LEF1: variants seen among roughly 807,000 people sequenced by gnomAD.
LEF1 encodes lymphoid enhancer binding factor 1.
In LEF1, 14 loss-of-function variants were observed where a neutral mutation model predicts 51.2. The observed-to-expected ratio is 0.27, with a 90% CI of 0.18 to 0.43. LEF1 has a LOEUF of 0.43. Among genes scored for constraint, LEF1 ranks in the 20% least tolerant of loss-of-function variants. LEF1 has a pLI of 1.00. For missense variants in LEF1, 386 were observed against 512.0 expected (o/e 0.75, Z 2.37); for synonymous variants, 185 against 183.2 (o/e 1.01, Z -0.08).
chr4:108,111,507 T>C (rs893423121), intron 3 of LEF1, among the ~76,000 whole-genome samples: 9 of 152,212 alleles, frequency 5.9e-5, no homozygotes, highest in Admixed American at 6.5e-5. Flanking sequence ...TCTTTATCTT[T>C]TGTAGCCACC....
At chr4:108,083,148 C>A in intron 5 of LEF1, 1 of 566,488 alleles carries the variant, frequency 1.8e-6, no homozygotes, top group Admixed American at 3.1e-5. Context: ...TCATTTTCTA[C>A]CCATATTAGC....
chr4:108,105,625 GT>G (rs1741114769), intron 3 of LEF1, among the ~76,000 whole-genome samples: 1 of 152,136 alleles, frequency 6.6e-6, no homozygotes, highest in South Asian at 2.1e-4. Flanking sequence ...TTTTAATAAT[GT>G]TTCAAATCAT....
chr4:108,126,869 ATGTGTG>A (rs34301406), intron 3 of LEF1, among the ~76,000 whole-genome samples: 4 of 146,522 alleles, frequency 2.7e-5, no homozygotes, highest in East Asian at 4.0e-4. Flanking sequence ...ATTTACTGAT[ATGTGTG>A]TGTGTGTGTG....
At chr4:108,133,242 C>T (rs1743022128) in intron 3 of LEF1, among the ~76,000 whole-genome samples, 1 of 152,092 alleles carries the variant, frequency 6.6e-6, no homozygotes, top group Non-Finnish European at 1.5e-5. Context: ...CAACAAGTTC[C>T]CAGGTGATGC....
intron 3 of LEF1, among the ~76,000 whole-genome samples, chr4:108,156,060 A>C (rs532244179): frequency 1.4e-4 from 21 of 152,366 alleles, no homozygotes; most frequent in African/African-American, 4.1e-4. Context: ...AATGAATTGA[A>C]AAGCATTAAC....
chr4:108,144,773 C>A (rs1381229644), intron 3 of LEF1, among the ~76,000 whole-genome samples: 2 of 143,970 alleles, frequency 1.4e-5, no homozygotes, highest in African/African-American at 2.6e-5. Flanking sequence ...GGGTGAAACA[C>A]AGCCTCAGCC....
chr4:108,097,524 C>T (rs1301793218), intron 3 of LEF1, among the ~76,000 whole-genome samples: 4 of 152,030 alleles, frequency 2.6e-5, no homozygotes, highest in Non-Finnish European at 4.4e-5. Context: ...AGCACAACAG[C>T]GTGACTATAG....
intron 3 of LEF1, among the ~76,000 whole-genome samples, chr4:108,104,015 C>T (rs1486860199): frequency 6.6e-6 from 1 of 152,150 alleles, no homozygotes; most frequent in Non-Finnish European, 1.5e-5. Flanking sequence ...TGTCCATCAA[C>T]TGATGAATGG....
At chr4:108,164,786 G>T (rs372271047) in intron 2 of LEF1, among the ~76,000 whole-genome samples, 6 of 151,882 alleles carry the variant, frequency 4.0e-5, no homozygotes, top group African/African-American at 1.5e-4. Flanking sequence ...AAATACTAAA[G>T]ATCTAAGCTA....
At chr4:108,123,501 T>C (rs1742312265) in intron 3 of LEF1, among the ~76,000 whole-genome samples, 2 of 139,164 alleles carry the variant, frequency 1.4e-5, no homozygotes, top group African/African-American at 2.7e-5. Flanking sequence ...CCCTACAAGA[T>C]AGAATCTGAA....
At chr4:108,142,113 G>T (rs1191498189) in intron 3 of LEF1, among the ~76,000 whole-genome samples, 1 of 152,186 alleles carries the variant, frequency 6.6e-6, no homozygotes, top group African/African-American at 2.4e-5. Flanking sequence ...TTCCAATTGG[G>T]AAAGGGACTC....
At chr4:108,141,852 T>C (rs1239667387) in intron 3 of LEF1, among the ~76,000 whole-genome samples, 2 of 152,008 alleles carry the variant, frequency 1.3e-5, no homozygotes, top group Non-Finnish European at 2.9e-5. Flanking sequence ...CACAACTCTG[T>C]AATTGGAACA....
In LEF1 at chr4:108,167,782, A is replaced by T. The variant is rs374508429; in HGVS notation, c.-15T>A. On this transcript the variant is annotated 5_prime_UTR_variant, in exon 1 of 12. Transcript: ENST00000265165. The surrounding 1 kb of genome is among the most constrained non-coding windows in gnomAD (Gnocchi z 5.7). Reference sequence around the variant, plus strand: ...AGTTGGGGCATCCCGGCGGCTCTGTAATCTCCGCTCCGCTGTGGGAGCACC... The same window carrying T: ...AGTTGGGGCATCCCGGCGGCTCTGTTATCTCCGCTCCGCTGTGGGAGCACC... 1.2e-6 allele frequency: 2 copies of T among 1,608,934 alleles called. No homozygotes were observed. Among genetic ancestry groups the T allele is most frequent in the Non-Finnish European group, 1.7e-6 (2 of 1,179,038 alleles).
intron 3 of LEF1, among the ~76,000 whole-genome samples, chr4:108,121,885 C>T (rs1260750785): frequency 2.0e-5 from 3 of 152,160 alleles, no homozygotes; most frequent in Non-Finnish European, 4.4e-5. Flanking sequence ...CTTTTTATTA[C>T]CATTCAGTCC....
rs189945285 is a variant in LEF1, at chr4:108,118,983, C to A, written c.415-29726G>T. ...TTTGTGTATATTCAACATCATGCAT[C>A]CTTGTGAGGGAACTATACCGCACAG... On this transcript the variant is annotated intron_variant, in intron 3 of 11. Transcript: ENST00000265165. Among the ~76,000 whole-genome samples, 14 of 151,038 alleles carry A rather than the reference C, an allele frequency of 9.3e-5. No individual in the cohort carries two copies. In the East Asian group the frequency reaches 2.3e-3, roughly 25 times the overall value.
At chr4:108,059,226 G>A (rs1737510056) in intron 11 of LEF1, among the ~76,000 whole-genome samples, 1 of 152,216 alleles carries the variant, frequency 6.6e-6, no homozygotes, top group Non-Finnish European at 1.5e-5. Context: ...ACTGATTCAG[G>A]AGCCAGCCTC....
intron 9 of LEF1, among the ~76,000 whole-genome samples, chr4:108,069,490 G>A (rs967686959): frequency 6.6e-6 from 1 of 152,116 alleles, no homozygotes; most frequent in Non-Finnish European, 1.5e-5. Context: ...ACTTAAACAT[G>A]ATATACCTAC....
chr4:108,090,143 AT>A, intron 3 of LEF1, among the ~76,000 whole-genome samples: 1 of 151,640 alleles, frequency 6.6e-6, no homozygotes, highest in East Asian at 1.9e-4. Flanking sequence ...CATTCAGCTA[AT>A]TTTTTTTGTA....
intron 3 of LEF1, among the ~76,000 whole-genome samples, chr4:108,093,222 A>G (rs565375675): frequency 1.6e-3 from 239 of 152,318 alleles, no homozygotes; most frequent in African/African-American, 5.5e-3. Flanking sequence ...ACGCAGGGAC[A>G]CTGAATACAA....
Sources: gnomAD v4.1 joint callset for allele counts (sites outside exome capture counted in the v4.1 genomes callset) on GRCh38, gnomAD v4.1.1 for gene constraint, Gnocchi (gnomAD v3.1) non-coding constraint, MANE v1.5 for transcripts, NCBI Gene and HGNC (gene_info 2026-07-23, HGNC 2026-07-21) for gene names.